The following PLXNB1 variants were observed in gnomAD, a reference collection of about 807,000 sequenced individuals.
PLXNB1 encodes the protein plexin-B1.
Under a neutral mutation model 209.4 loss-of-function variants are expected in PLXNB1, and 106 were observed. The ratio of observed to expected loss-of-function variants is 0.51; its 90% CI spans 0.43 to 0.59. The LOEUF is 0.59. Among genes scored for constraint, PLXNB1 ranks in the 20% least tolerant of loss-of-function variants. The pLI is 0.00. For synonymous variants in PLXNB1, 1,167 were observed against 1,183.2 expected, an observed-to-expected ratio of 0.99 and a Z score of 0.28; for missense variants, 2,357 against 2,853.2, an observed-to-expected ratio of 0.83 and a Z score of 3.96.
chr3:48,409,220 G>C lies in PLXNB1; in HGVS notation c.6087+109C>G. 1 of 1,318,476 alleles carries C rather than the reference G, an allele frequency of 7.6e-7. No homozygotes were observed. 81.7% of individuals were successfully genotyped at this position (1,318,476 alleles called of 1,614,324 possible). Reference sequence around the variant, plus strand: ...GAAGCCTTGGCTTGGGAGGTCAGAGGTCTCCCCTAAGCCCTCCTTGAAGTT... The same window carrying C: ...GAAGCCTTGGCTTGGGAGGTCAGAGCTCTCCCCTAAGCCCTCCTTGAAGTT... On this transcript the variant is annotated intron_variant, in intron 34 of 37. Transcript: ENST00000296440. This position sits in a 1 kb window ranked among gnomAD's most constrained non-coding sequence, Gnocchi z 5.8.
At position 48,417,973 on chromosome 3, in the gene PLXNB1, G is replaced by A; in HGVS notation, c.3312C>T (p.Gly1104=). The A allele has an allele frequency of 1.2e-6, 2 of 1,613,514 alleles. No individual in the cohort carries two copies. Among genetic ancestry groups the A allele is most frequent in the South Asian group, 2.2e-5 (2 of 91,088 alleles). The change falls in exon 16 of 38, where the codon GGC becomes GGT. Residue 1104 remains glycine (G), a synonymous_variant. Coordinates refer to ENST00000296440, the MANE Select transcript of PLXNB1 (RefSeq NM_001130082.3). The surrounding 1 kb of genome is among the most constrained non-coding windows in gnomAD (Gnocchi z 4.4). Reference sequence around the variant, plus strand: ...AGGGCACTCCAGCCACCGTGACCATGCCCAGCACATCCTGCACATGCTGGC... The same window carrying A: ...AGGGCACTCCAGCCACCGTGACCATACCCAGCACATCCTGCACATGCTGGC... ...NLGQHVQDVL[G]MVTVAGVPCA...
chr3:48,412,671 C>T (rs374568560), intron 25 of PLXNB1, 51 bp from the exon 26 acceptor site: 21 of 1,603,964 alleles, frequency 1.3e-5, no homozygotes, highest in South Asian at 3.3e-5. Context: ...GACAGAGGGG[C>T]GGGCTCAGAA....
rs1299342348 is a variant in PLXNB1, at chr3:48,413,104, C to T, written c.4601G>A (p.Ser1534Asn). 1 of 1,613,940 alleles carries T rather than the reference C, an allele frequency of 6.2e-7. No homozygotes were observed. Among genetic ancestry groups the T allele is most frequent in the South Asian group, 1.1e-5 (1 of 91,082 alleles). The change falls in exon 24 of 38, where the codon AGC (serine) becomes AAC (asparagine). Residue 1534 changes from serine (S) to asparagine (N), a missense_variant. Coordinates refer to ENST00000296440, the MANE Select transcript of PLXNB1 (RefSeq NM_001130082.3). The surrounding 1 kb of genome is among the most constrained non-coding windows in gnomAD (Gnocchi z 5.4). ...CTTCTTGCAGCGGTCCCGCACACTG[C>T]TCTCCAGATTCTCCAGCTGGATCTG... is the stretch of plus-strand genomic sequence containing the variant. ...KVQIQLENLE[S>N]SVRDRCKKEF...
In PLXNB1 at chr3:48,413,623, C is replaced by T. The variant is rs540538051; in HGVS notation, c.4535+47G>A. The T allele has an allele frequency of 4.2e-5, 65 of 1,562,086 alleles. 1 individual carries two copies. In the South Asian group the frequency reaches 7.6e-4, roughly 18 times the overall value. On this transcript the variant is annotated intron_variant, in intron 23 of 37. Transcript: ENST00000296440. The surrounding 1 kb of genome is among the most constrained non-coding windows in gnomAD (Gnocchi z 5.4). Reference sequence around the variant, plus strand: ...CCGGTCTGTCCCTTCCCAGTCCAGCCAGATCCCACGACCTGCCCCAGCCCA... The same window carrying T: ...CCGGTCTGTCCCTTCCCAGTCCAGCTAGATCCCACGACCTGCCCCAGCCCA...
rs752373715 is a variant in PLXNB1, at chr3:48,407,106, AG to A, written c.6088-16del. 4.3e-5 allele frequency: 70 copies of A among 1,612,176 alleles called. No individual in the cohort carries two copies. The highest frequency in any genetic ancestry group is 1.6e-4 in the Middle Eastern group (1 of 6,082). ...ATCGGGGAGTCCTGGACATAGCAGG[AG>A]GACAGCAAAAGAGGAAGGAAGGAAG... On this transcript the variant is annotated splice_polypyrimidine_tract_variant and intron_variant, in intron 34 of 37. Transcript: ENST00000296440.
chr3:48,421,475 G>A, intron 7 of PLXNB1, 91 bp from the exon 8 acceptor site: 1 of 1,373,976 alleles, frequency 7.3e-7, no homozygotes, highest in South Asian at 1.4e-5. Context: ...GCAGGCACCA[G>A]CAATCAACAG....
rs1324515876 is a variant in PLXNB1, at chr3:48,412,820, A to G, written c.4776T>C (p.Pro1592=). The change falls in exon 25 of 38, where the codon CCT becomes CCC. Residue 1592 remains proline (P), a synonymous_variant. Transcript: ENST00000296440. ...GCTCCACAGTGGGCCGTCTGCTCTC[A>G]GGCACACCCAGGTCCCGGTGCAAGG... ...ESPLHRDLGV[P]ESRRPTVEQG... is the part of the protein sequence containing the mutation. The G allele has an allele frequency of 8.1e-6, 13 of 1,613,596 alleles. No individual in the cohort carries two copies. In the East Asian group the frequency reaches 2.9e-4, roughly 36 times the overall value.
rs767196654 is a variant in PLXNB1 at position 48,406,867 on chromosome 3, C to G, written c.6184G>C (p.Ala2062Pro). 1 of 1,612,894 alleles carries G rather than the reference C, an allele frequency of 6.2e-7. No individual in the cohort carries two copies. The highest frequency in any genetic ancestry group is 8.5e-7 in the Non-Finnish European group (1 of 1,179,450). The change falls in exon 36 of 38, where the codon GCC becomes CCC. Residue 2062 changes from alanine to proline, a missense_variant. This residue lies in a region of PLXNB1 where 414 missense variants were observed against 520.5 expected (regional missense o/e 0.80). Coordinates refer to ENST00000296440, the MANE Select transcript of PLXNB1 (RefSeq NM_001130082.3). This position sits in a 1 kb window ranked among gnomAD's most constrained non-coding sequence, Gnocchi z 4.4. ...YYADIRQTVP[A>P]SDQEMNSVLA... ...ACAGAGTTCATCTCTTGGTCGCTGG[C>G]TGGGACAGTCTGTCTGATGTCTGCA...
At chr3:48,422,289 C>T in intron 5 of PLXNB1, 42 bp downstream of exon 5, 7 of 1,610,830 alleles carry the variant, frequency 4.3e-6, no homozygotes, top group Non-Finnish European at 5.9e-6. Context: ...CACCCAGAGG[C>T]CCCTCCCAGC....
chr3:48,416,321 T>TG lies in PLXNB1; in HGVS notation c.3480+24dup. ...CCAGAGAGGTTGGCCCGCTGGCAGC[T>TG]GGGGGTGGCTCAGCAGTCAGGTACC... On this transcript the variant is annotated intron_variant, in intron 17 of 37. Transcript: ENST00000296440. This position sits in a 1 kb window ranked among gnomAD's most constrained non-coding sequence, Gnocchi z 4.1. The TG allele has an allele frequency of 6.3e-7, 1 of 1,587,208 alleles. No individual in the cohort carries two copies. Among genetic ancestry groups the TG allele is most frequent in the Non-Finnish European group, 8.6e-7 (1 of 1,158,320 alleles).
rs891125159 is a variant in PLXNB1 at position 48,418,278 on chromosome 3, C to T, written c.3135G>A (p.Glu1045=). The part of the protein sequence containing the change: ...AMPQYGCVWC[E]GERPRCVTRE... ...GGGTCACACAACGTGGACGCTCCCC[C>T]TCACACCACACACAGCCATACTGGG... The change falls in exon 15 of 38, where the codon GAG becomes GAA. Residue 1045 remains glutamate (E), a synonymous_variant. Transcript: ENST00000296440. This position sits in a 1 kb window ranked among gnomAD's most constrained non-coding sequence, Gnocchi z 6.6. The T allele has an allele frequency of 1.2e-6, 2 of 1,613,690 alleles. No individual in the cohort carries two copies. Among genetic ancestry groups the T allele is most frequent in the African/African-American group, 1.3e-5 (1 of 75,074 alleles).
rs765705712 is a variant in PLXNB1, at chr3:48,418,997, G to A, written c.2875C>T (p.Leu959Phe). ...DNECVMELEG[L>F]EVVVEARVEC... ...ACCCGGGCCTCAACCACCACCTCGA[G>A]GCCCTCCAGCTCCATCACACACTCA... The change falls in exon 13 of 38, where the codon CTC (leucine) becomes TTC (phenylalanine). Residue 959 changes from leucine (L) to phenylalanine (F), a missense_variant. Physicochemically the swap from Leu to Phe is conservative, Grantham distance 22. This residue lies in a region of PLXNB1 where 410 missense variants were observed against 401.0 expected (regional missense o/e 1.02). Transcript: ENST00000296440. This position sits in a 1 kb window ranked among gnomAD's most constrained non-coding sequence, Gnocchi z 6.6. The A allele has an allele frequency of 1.9e-6, 3 of 1,613,946 alleles. No homozygotes were observed. Among genetic ancestry groups the A allele is most frequent in the African/African-American group, 2.7e-5 (2 of 74,916 alleles).
Position 48,424,597 on chromosome 3 carries a change from GC to G in PLXNB1, c.14del (p.Gly5AlafsTer54). The part of the protein sequence containing the change: MPAL[G>X]PALLQALWAG... ...CCCAGAGAGCCTGGAGAAGAGCTGG[GC>G]CCAGAGCAGGCATGGTCACCTGGCA... On this transcript the variant is annotated frameshift_variant, in exon 3 of 38. Transcript: ENST00000296440. LOFTEE classifies it high-confidence loss of function. The G allele has an allele frequency of 6.5e-7, 1 of 1,539,372 alleles. No individual in the cohort carries two copies. Among genetic ancestry groups the G allele is most frequent in the Non-Finnish European group, 8.7e-7 (1 of 1,147,422 alleles).
Position 48,420,980 on chromosome 3 carries a change from G to C in PLXNB1, c.1811-24C>G, listed in dbSNP as rs574318752. The C allele has an allele frequency of 3.8e-5, 60 of 1,579,434 alleles. No individual in the cohort carries two copies. The South Asian group carries it at 5.8e-4, about 15-fold the overall frequency. Reference sequence around the variant, plus strand: ...GTCTGCAGAGGGGGAGAGAGGGCCAGGGTTAAGCAGCAAGGAGGTGCACTC... The same window carrying C: ...GTCTGCAGAGGGGGAGAGAGGGCCACGGTTAAGCAGCAAGGAGGTGCACTC... On this transcript the variant is annotated intron_variant, in intron 8 of 37. Coordinates refer to ENST00000296440, the MANE Select transcript of PLXNB1 (RefSeq NM_001130082.3).
intron 1 of PLXNB1, 88 bp from the exon 2 acceptor site, chr3:48,425,421 G>C (rs2038834136): frequency 6.6e-6 from 1 of 152,240 alleles, no homozygotes; most frequent in Admixed American, 6.5e-5. Context: ...AGGCAGCACA[G>C]AAGCACCCCC....
chr3:48,421,683 C>G lies in PLXNB1; in HGVS notation c.1644G>C (p.Glu548Asp). 6.2e-7 allele frequency: 1 copy of G among 1,601,088 alleles called. No individual in the cohort carries two copies. Among genetic ancestry groups the G allele is most frequent in the Non-Finnish European group, 8.5e-7 (1 of 1,169,598 alleles). Residue 548 changes from glutamate (E) to aspartate (D), a missense_variant, in exon 7 of 38, where the codon GAG becomes GAC. Glu to Asp is a conservative substitution (Grantham distance 45). Transcript: ENST00000296440. ...CTATCTGATCATTCACCTCCCTCGT[C>G]TCCTCTCGGCTGATGTTGGCAGGAC... ...AMSPANISRE[E>D]TREVFLSVPD... is the part of the protein sequence containing the mutation.
rs145054344 is a variant in PLXNB1, at chr3:48,412,581, G to A, written c.4894C>T (p.Arg1632Trp). ...AGAGATGCCACGTAGGCACGGTCCC[G>A]AGCTGAAAAGGTGCGCTGGCTCTCC... The part of the protein sequence containing the change: ...TLESQRTFSA[R>W]DRAYVASLLT... Residue 1632 changes from arginine to tryptophan, a missense_variant, in exon 26 of 38, where the codon CGG becomes TGG. Coordinates refer to ENST00000296440, the MANE Select transcript of PLXNB1 (RefSeq NM_001130082.3). 70 of 1,613,458 alleles carry A rather than the reference G, an allele frequency of 4.3e-5. No individual in the cohort carries two copies. The highest frequency in any genetic ancestry group is 6.7e-5 in the African/African-American group (5 of 74,930).
chr3:48,415,516 C>T lies in PLXNB1; in HGVS notation c.3794+67G>A. ...TGCCTCAACATAAAGCCCTACAAAC[C>T]CCCACATAGTGGAGCTGCAAAGACC... On this transcript the variant is annotated intron_variant, in intron 19 of 37. Transcript: ENST00000296440. This position sits in a 1 kb window ranked among gnomAD's most constrained non-coding sequence, Gnocchi z 5.0. 1 of 1,475,836 alleles carries T rather than the reference C, an allele frequency of 6.8e-7. No individual in the cohort carries two copies. Among genetic ancestry groups the T allele is most frequent in the South Asian group, 1.3e-5 (1 of 77,100 alleles). 91.4% of individuals were successfully genotyped at this position (1,475,836 alleles called of 1,614,324 possible).
chr3:48,409,966 C>T lies in PLXNB1; in HGVS notation c.5717G>A (p.Gly1906Glu). 1 of 1,612,632 alleles carries T rather than the reference C, an allele frequency of 6.2e-7. No individual in the cohort carries two copies. The highest frequency in any genetic ancestry group is 8.5e-7 in the Non-Finnish European group (1 of 1,179,626). Residue 1906 changes from glycine (G) to glutamate (E), a missense_variant, in exon 32 of 38, where the codon GGG becomes GAG. By Grantham distance (98) the Gly-to-Glu change is moderately conservative. Transcript: ENST00000296440. This position sits in a 1 kb window ranked among gnomAD's most constrained non-coding sequence, Gnocchi z 5.8. ...GATGGCCTTGGCGCGCTCACGCTCC[C>T]CGCCCCGAAGGCTGCCCCTCCGAGG... is the stretch of plus-strand genomic sequence containing the variant. ...PRPRRGSLRG[G>E]ERERAKAIPE...
Sources: allele counts gnomAD v4.1 joint callset, GRCh38; gene constraint gnomAD v4.1.1; regional missense constraint gnomAD v4.1.1; non-coding constraint Gnocchi (gnomAD v3.1); transcripts MANE v1.5; gene names NCBI Gene and HGNC (gene_info 2026-07-23, HGNC 2026-07-21).